The following CTNNA3 variants were observed in gnomAD, a reference collection of about 807,000 sequenced individuals.
CTNNA3 encodes catenin alpha-3.
Under a neutral mutation model 95.7 loss-of-function variants are expected in CTNNA3, and 76 were observed. That is an observed-to-expected ratio of 0.79 (90% CI 0.66 to 0.96). CTNNA3 has a LOEUF of 0.96. CTNNA3 is among the 40% of genes least tolerant of loss of function. CTNNA3 has a pLI of 0.00. For missense variants in CTNNA3, 1,191 were observed against 1,089.8 expected (o/e 1.09, Z -1.31); for synonymous variants, 431 against 374.4 (o/e 1.15, Z -1.74).
chr10:67,235,899 C>T (rs1333048638), intron 5 of CTNNA3, among the ~76,000 whole-genome samples: 2 of 144,092 alleles, frequency 1.4e-5, no homozygotes, highest in Non-Finnish European at 3.0e-5. Flanking sequence ...AGCCAAAAAA[C>T]ACATGAAAAA....
chr10:66,752,202 A>T (rs1184276532), intron 9 of CTNNA3, among the ~76,000 whole-genome samples: 1 of 152,180 alleles, frequency 6.6e-6, no homozygotes, highest in Non-Finnish European at 1.5e-5. Flanking sequence ...AACTTACTAT[A>T]AAGTTACAGT....
intron 9 of CTNNA3, among the ~76,000 whole-genome samples, chr10:66,652,509 A>G (rs1845946672): frequency 6.6e-6 from 1 of 152,302 alleles, no homozygotes; most frequent in Admixed American, 6.5e-5. Context: ...AAAGTCTCCA[A>G]TCAAAGAAAA....
intron 9 of CTNNA3, among the ~76,000 whole-genome samples, chr10:66,651,081 C>A (rs1395693558): frequency 2.6e-5 from 4 of 152,124 alleles, no homozygotes; most frequent in Admixed American, 2.6e-4. Context: ...CACAAAAGTT[C>A]TGGAAGTCCC....
Position 66,927,874 on chromosome 10 carries a change from A to G in CTNNA3, c.1048-152350T>C, listed in dbSNP as rs1398231100. 6.2e-7 allele frequency: 1 copy of G among 1,614,184 alleles called. No homozygotes were observed. The highest frequency in any genetic ancestry group is 8.5e-7 in the Non-Finnish European group (1 of 1,180,034). ...GAATATATGGGAATGCAGCAGAAAT[A>G]TTTGCTCCCTTGTAAACTGGCTGAA... On this transcript the variant is annotated intron_variant, in intron 7 of 17. Coordinates refer to ENST00000433211, the MANE Select transcript of CTNNA3 (RefSeq NM_013266.4). The surrounding 1 kb of genome is among the most constrained non-coding windows in gnomAD (Gnocchi z 4.7).
At chr10:66,299,662 G>C (rs1441988386) in intron 12 of CTNNA3, among the ~76,000 whole-genome samples, 1 of 152,052 alleles carries the variant, frequency 6.6e-6, no homozygotes, top group Non-Finnish European at 1.5e-5. Context: ...AGAAATAGTT[G>C]GGATATGTAA....
intron 12 of CTNNA3, among the ~76,000 whole-genome samples, chr10:66,322,217 C>T (rs2092197893): frequency 1.3e-5 from 2 of 152,252 alleles, no homozygotes; most frequent in Admixed American, 1.3e-4. Context: ...TTGAGAATAA[C>T]TGGTAGCAGA....
intron 12 of CTNNA3, among the ~76,000 whole-genome samples, chr10:66,362,041 G>A (rs12785157): frequency 0.098 from 14,757 of 150,748 alleles, 961 homozygotes; most frequent in Middle Eastern, 0.19. Flanking sequence ...AGAAACCACT[G>A]GTTTTGCTCA....
rs147701349 is a variant in CTNNA3, at chr10:67,595,747, T to C, written c.292+11110A>G. Among the ~76,000 whole-genome samples, 684 of 152,318 alleles carry C rather than the reference T, an allele frequency of 4.5e-3. 2 individuals carry two copies. The highest frequency in any genetic ancestry group is 7.8e-3 in the Non-Finnish European group (533 of 68,016). ...AGTAGGGTGTTGAAGTCTCCCACTA[T>C]TATAGTGTGGTTATCTATCTTTATA... is the stretch of plus-strand genomic sequence containing the variant. On this transcript the variant is annotated intron_variant, in intron 3 of 17. Coordinates refer to ENST00000433211, the MANE Select transcript of CTNNA3 (RefSeq NM_013266.4).
At chr10:67,531,418 G>A (rs1840324807) in intron 4 of CTNNA3, among the ~76,000 whole-genome samples, 1 of 152,206 alleles carries the variant, frequency 6.6e-6, no homozygotes, top group Non-Finnish European at 1.5e-5. Context: ...TGGAGTCAAA[G>A]GAGATCATTT....
At chr10:67,043,728 A>G (rs1854552040) in intron 7 of CTNNA3, among the ~76,000 whole-genome samples, 2 of 152,092 alleles carry the variant, frequency 1.3e-5, no homozygotes, top group East Asian at 1.9e-4. Context: ...ATGTCTTTTC[A>G]TCTATCATTG....
chr10:66,926,917 C>G, intron 7 of CTNNA3: 1 of 1,547,500 alleles, frequency 6.5e-7, no homozygotes, highest in Middle Eastern at 1.7e-4. Context: ...GTTTTTATTT[C>G]CAGGTTTCAA....
chr10:66,673,604 T>C (rs1300682465), intron 9 of CTNNA3, among the ~76,000 whole-genome samples: 1 of 152,054 alleles, frequency 6.6e-6, no homozygotes, highest in South Asian at 2.1e-4. Flanking sequence ...GAAAATGATA[T>C]ATTTAAGCTT....
Position 67,314,152 on chromosome 10 carries a change from T to G in CTNNA3, c.580-94282A>C, listed in dbSNP as rs115115765. ...GACCGTTAGTTCCTCCAAGTAGAGT[T>G]CCTCTTAGTGTAATTTCATGCATAG... On this transcript the variant is annotated intron_variant, in intron 5 of 17. Coordinates refer to ENST00000433211, the MANE Select transcript of CTNNA3 (RefSeq NM_013266.4). Among the ~76,000 whole-genome samples the G allele has an allele frequency of 7.2e-3, 1,100 of 152,298 alleles. 23 individuals carry two copies. Among genetic ancestry groups the G allele is most frequent in the African/African-American group, 0.025 (1,037 of 41,570 alleles).
intron 7 of CTNNA3, among the ~76,000 whole-genome samples, chr10:66,870,944 C>A (rs1370330738): frequency 6.6e-6 from 1 of 152,144 alleles, no homozygotes; most frequent in African/African-American, 2.4e-5. Context: ...TGCAAAAGTT[C>A]AAGGGAAACC....
At chr10:66,702,148 A>C (rs571240073) in intron 9 of CTNNA3, among the ~76,000 whole-genome samples, 2 of 152,096 alleles carry the variant, frequency 1.3e-5, no homozygotes, top group Non-Finnish European at 1.5e-5. Flanking sequence ...TAAAAAAAAA[A>C]CAAATGTGTC....
At chr10:66,433,306 G>A (rs117675670) in intron 11 of CTNNA3, among the ~76,000 whole-genome samples, 4,994 of 151,946 alleles carry the variant, frequency 0.033, 339 homozygotes, top group East Asian at 0.23. Context: ...CCTTTCCACC[G>A]TCTGTTGTTT....
intron 11 of CTNNA3, among the ~76,000 whole-genome samples, chr10:66,430,282 T>C (rs940739141): frequency 2.6e-5 from 4 of 152,122 alleles, no homozygotes. Context: ...GAACATTCCA[T>C]GCTCATGGAC....
chr10:66,472,893 A>C (rs1839186356), intron 11 of CTNNA3, among the ~76,000 whole-genome samples: 1 of 152,044 alleles, frequency 6.6e-6, no homozygotes, highest in African/African-American at 2.4e-5. Context: ...CTTCAACACT[A>C]TCTCAATATG....
chr10:66,532,768 C>T (rs183008371), intron 10 of CTNNA3, among the ~76,000 whole-genome samples: 13 of 152,192 alleles, frequency 8.5e-5, no homozygotes, highest in African/African-American at 3.1e-4. Flanking sequence ...GCAATGTTTT[C>T]CCTGAGTTGC....
Sources: allele counts gnomAD v4.1 joint callset (sites outside exome capture counted in the v4.1 genomes callset), GRCh38; gene constraint gnomAD v4.1.1; non-coding constraint Gnocchi (gnomAD v3.1); transcripts MANE v1.5; gene names NCBI Gene and HGNC (gene_info 2026-07-23, HGNC 2026-07-21).